Variants in DEFB110 observed in about 807,000 individuals in gnomAD.
DEFB110 encodes the protein defensin beta 110, also known as beta-defensin 110.
DEFB110 carries 4 observed loss-of-function variants against 2.5 expected under a neutral mutation model. The ratio of observed to expected loss-of-function variants is 1.60; its 90% CI spans 0.79 to 3.66. The LOEUF (loss-of-function observed/expected upper bound fraction) is 3.66. DEFB110 is among the 30% of genes most tolerant of loss of function. The pLI is 0.01. For missense variants in DEFB110, 94 were observed against 75.4 expected (o/e 1.25, Z -0.91); for synonymous variants, 29 against 21.8 (o/e 1.33, Z -0.92).
downstream of DEFB110, among the ~76,000 whole-genome samples, chr6:50,014,831 C>T (rs1034723477): frequency 4.0e-5 from 6 of 151,876 alleles, no homozygotes; most frequent in East Asian, 1.2e-3. Context: ...TCTACCCCTC[C>T]TGCTTATGAA....
chr6:50,021,806 A>AAGAAACAACT, intron 1 of DEFB110, 75 bp downstream of exon 1: 1 of 1,366,836 alleles, frequency 7.3e-7, no homozygotes, highest in East Asian at 2.5e-5. Context: ...TGTTATTATC[A>AAGAAACAACT]TATTTTTTAT....
At chr6:50,019,869 T>A (rs922454857) in intron 1 of DEFB110, among the ~76,000 whole-genome samples, 3 of 152,096 alleles carry the variant, frequency 2.0e-5, no homozygotes, top group African/African-American at 7.2e-5. Context: ...AAATCCACCC[T>A]GCCACCTATT....
chr6:50,017,895 T>C (rs1274435974), downstream of DEFB110, among the ~76,000 whole-genome samples: 2 of 151,940 alleles, frequency 1.3e-5, no homozygotes, highest in African/African-American at 4.8e-5. Context: ...CTGACCTATA[T>C]GTACTGTTTA....
downstream of DEFB110, among the ~76,000 whole-genome samples, chr6:50,018,667 A>G (rs1774359442): frequency 6.6e-6 from 1 of 151,966 alleles, no homozygotes; most frequent in Admixed American, 6.6e-5. Context: ...GTTTCCCACA[A>G]CCTTACTTAT....
exon 2 of DEFB110, chr6:50,009,225 T>A: frequency 1.2e-6 from 2 of 1,608,298 alleles, no homozygotes; most frequent in Non-Finnish European, 1.7e-6. Flanking sequence ...TTCCTCTCAC[T>A]TTTTCGCATC....
chr6:50,016,889 A>C (rs1774329434), downstream of DEFB110, among the ~76,000 whole-genome samples: 1 of 151,742 alleles, frequency 6.6e-6, no homozygotes, highest in Non-Finnish European at 1.5e-5. Flanking sequence ...CTCTCTGTCA[A>C]GCACTGAAAG....
At chr6:50,010,136 A>G (rs1396034914) in intron 1 of DEFB110, among the ~76,000 whole-genome samples, 12 of 152,036 alleles carry the variant, frequency 7.9e-5, no homozygotes, top group Admixed American at 7.9e-4. Flanking sequence ...TCTGGATGAT[A>G]TAATATAATC....
chr6:50,015,298 G>C (rs1450707660), downstream of DEFB110, among the ~76,000 whole-genome samples: 2 of 151,752 alleles, frequency 1.3e-5, no homozygotes, highest in Non-Finnish European at 2.9e-5. Flanking sequence ...AACTTCGAGA[G>C]ACCTTTACAA....
At position 50,021,953 on chromosome 6, in the gene DEFB110, A is replaced by T. The variant is rs764220524; in HGVS notation, c.-18T>A. 1.4e-5 allele frequency: 21 copies of T among 1,537,102 alleles called. 1 individual carries two copies. The highest frequency in any genetic ancestry group is 2.6e-5 in the South Asian group (2 of 77,696). ...ATCTTCATGGTAGAGAGTTTCTTAA[A>T]AAAAGGGGGCAACAGACCTCCTTTT... On this transcript the variant is annotated 5_prime_UTR_variant, in exon 1 of 2. Coordinates refer to ENST00000371148, the MANE Select transcript of DEFB110 (RefSeq NM_001037497.2).
chr6:50,009,592 T>C (rs1426378531), intron 1 of DEFB110, among the ~76,000 whole-genome samples: 1 of 152,184 alleles, frequency 6.6e-6, no homozygotes, highest in Non-Finnish European at 1.5e-5. Flanking sequence ...TGTCAGACAT[T>C]TGTTGTGATA....
downstream of DEFB110, among the ~76,000 whole-genome samples, chr6:50,014,524 G>A (rs1468956443): frequency 6.6e-6 from 1 of 151,738 alleles, no homozygotes; most frequent in Non-Finnish European, 1.5e-5. Flanking sequence ...TTACAAAATG[G>A]CAAAGTCATA....
intron 1 of DEFB110, among the ~76,000 whole-genome samples, chr6:50,011,474 C>T (rs1474737182): frequency 6.6e-6 from 1 of 152,002 alleles, no homozygotes; most frequent in Non-Finnish European, 1.5e-5. Flanking sequence ...CAGAAGGTTT[C>T]TGGGAGTCTC....
rs540239881 is a variant in DEFB110 at position 50,018,924 on chromosome 6, T to A, written c.*53A>T. The A allele has an allele frequency of 1.6e-4, 242 of 1,559,358 alleles. 5 individuals are homozygous for A. In the South Asian group the frequency reaches 2.6e-3, roughly 17 times the overall value. On this transcript the variant is annotated 3_prime_UTR_variant, in exon 2 of 2. Transcript: ENST00000371148. ...CCTTGAAGGATGTGCTGGGAAAACT[T>A]AATAACGCTGGTCTCTCTTCTTGGA...
At chr6:50,009,787 C>A (rs1457119651) in intron 1 of DEFB110, among the ~76,000 whole-genome samples, 1 of 152,022 alleles carries the variant, frequency 6.6e-6, no homozygotes, top group Non-Finnish European at 1.5e-5. Context: ...AACTAAAGTA[C>A]TTTAGATCTA....
At chr6:50,014,245 A>G (rs600168), downstream of DEFB110, among the ~76,000 whole-genome samples, 912 of 152,022 alleles carry the variant, frequency 6.0e-3, 13 homozygotes, top group African/African-American at 0.021. Flanking sequence ...GAAAACATAT[A>G]TAACATGAGC....
chr6:50,016,966 A>G (rs536786448), downstream of DEFB110, among the ~76,000 whole-genome samples: 3 of 151,786 alleles, frequency 2.0e-5, no homozygotes, highest in African/African-American at 7.2e-5. Flanking sequence ...CATGTTTTTT[A>G]GAAAATCTCT....
At chr6:50,018,796 A>C, downstream of DEFB110, 1 of 1,272,264 alleles carries the variant, frequency 7.9e-7, no homozygotes, top group Non-Finnish European at 9.9e-7. Context: ...TCAGGAGAAA[A>C]GTGTAATGGA....
At chr6:50,016,647 T>C (rs913468391), downstream of DEFB110, among the ~76,000 whole-genome samples, 1 of 151,758 alleles carries the variant, frequency 6.6e-6, no homozygotes, top group African/African-American at 2.4e-5. Context: ...GGAAGCAGGC[T>C]GAAGAACTTC....
chr6:50,019,971 A>G (rs1026397563), intron 1 of DEFB110, among the ~76,000 whole-genome samples: 8 of 152,220 alleles, frequency 5.3e-5, no homozygotes, highest in African/African-American at 1.9e-4. Context: ...AGTTGAGATC[A>G]TAGGGTTCAT....
Sources: allele counts gnomAD v4.1 joint callset (sites outside exome capture counted in the v4.1 genomes callset), GRCh38; gene constraint gnomAD v4.1.1; transcripts MANE v1.5; gene names NCBI Gene and HGNC (gene_info 2026-07-23, HGNC 2026-07-21).